The following MARCHF7 variants were observed in gnomAD, a reference collection of about 807,000 sequenced individuals.
The protein encoded by MARCHF7 is membrane associated ring-CH-type finger 7.
MARCHF7 carries 20 observed loss-of-function variants against 76.5 expected under a neutral mutation model. The observed-to-expected ratio is 0.26, with a 90% CI of 0.18 to 0.38. The LOEUF (loss-of-function observed/expected upper bound fraction) is 0.38. MARCHF7 is among the 10% of genes least tolerant of loss of function. The pLI is 1.00. For synonymous variants in MARCHF7, 295 were observed against 293.0 expected (o/e 1.01, Z -0.07); for missense variants, 797 against 812.9 (o/e 0.98, Z 0.24).
chr2:159,735,596 TTAG>T (rs1350262860), intron 4 of MARCHF7, among the ~76,000 whole-genome samples: 4 of 152,322 alleles, frequency 2.6e-5, no homozygotes, highest in Admixed American at 2.6e-4. Context: ...TAGTCTTTTG[TTAG>T]TAGCTTCTTT....
intron 4 of MARCHF7, among the ~76,000 whole-genome samples, chr2:159,737,535 G>T (rs557998317): frequency 6.6e-6 from 1 of 152,320 alleles, no homozygotes; most frequent in East Asian, 1.9e-4. Context: ...TGTAATCCCA[G>T]GCCTGAGTTG....
intron 11 of MARCHF7, among the ~76,000 whole-genome samples, chr2:159,765,360 A>G (rs555544836): frequency 5.9e-5 from 9 of 152,210 alleles, no homozygotes; most frequent in African/African-American, 2.2e-4. Flanking sequence ...ACAGGCATCT[A>G]TACAGCCTAC....
At chr2:159,743,680 G>A (rs1192526794) in intron 5 of MARCHF7, among the ~76,000 whole-genome samples, 3 of 151,758 alleles carry the variant, frequency 2.0e-5, no homozygotes, top group Non-Finnish European at 4.4e-5. Context: ...CAGGATGATC[G>A]CTTGAGGCCA....
Position 159,743,971 on chromosome 2 carries a change from G to GT in MARCHF7, c.346+720dup, listed in dbSNP as rs1412931838. On this transcript the variant is annotated intron_variant, in intron 5 of 11. Transcript: ENST00000409175. Reference sequence around the variant, plus strand: ...AAAAATGGTGGTTATTTTAGTAGGAGTTCTTTTTTTTTTTTTTTTTTTTTT... The same window carrying GT: ...AAAAATGGTGGTTATTTTAGTAGGAGTTTCTTTTTTTTTTTTTTTTTTTTTT... Among the ~76,000 whole-genome samples the GT allele has an allele frequency of 2.5e-4, 27 of 108,442 alleles. 1 individual carries two copies. The highest frequency in any genetic ancestry group is 4.4e-4 in the Non-Finnish European group (23 of 52,062). The allele number at this position is 108,442 out of a possible 152,430, so 71.1% of individuals were successfully genotyped here.
intron 3 of MARCHF7, among the ~76,000 whole-genome samples, chr2:159,719,220 A>G (rs998638842): frequency 4.6e-5 from 7 of 151,936 alleles, no homozygotes; most frequent in Non-Finnish European, 7.4e-5. Flanking sequence ...TTTTAAAAAT[A>G]TTTTTTGTAG....
At chr2:159,720,324 A>G (rs886189375) in intron 3 of MARCHF7, among the ~76,000 whole-genome samples, 2 of 152,196 alleles carry the variant, frequency 1.3e-5, no homozygotes, top group East Asian at 1.9e-4. Context: ...GCACCCAGCC[A>G]TGGAGGATTT....
At chr2:159,757,717 T>C (rs1366306927) in intron 8 of MARCHF7, among the ~76,000 whole-genome samples, 1 of 152,206 alleles carries the variant, frequency 6.6e-6, no homozygotes, top group Non-Finnish European at 1.5e-5. Flanking sequence ...AATAAGTCTC[T>C]TACTCCATAG....
chr2:159,758,673 A>G (rs182846768), intron 8 of MARCHF7, among the ~76,000 whole-genome samples: 1 of 152,356 alleles, frequency 6.6e-6, no homozygotes, highest in East Asian at 1.9e-4. Context: ...ATAAAGACTA[A>G]TTCCTTTTAT....
intron 3 of MARCHF7, among the ~76,000 whole-genome samples, chr2:159,727,167 G>C (rs548646517): frequency 6.6e-6 from 1 of 152,336 alleles, no homozygotes; most frequent in South Asian, 2.1e-4. Flanking sequence ...GTACAATATA[G>C]ATGAACTTTG....
rs201212156 is a variant in MARCHF7, at chr2:159,767,364, G to T, written c.*22G>T. On this transcript the variant is annotated 3_prime_UTR_variant, in exon 12 of 12. Coordinates refer to ENST00000409175, the MANE Select transcript of MARCHF7 (RefSeq NM_001282805.2). Reference sequence around the variant, plus strand: ...CTAACTTCATATAAGACAGATGGATGATCTGTGAACATAAGTGTTTATTAA... The same window carrying T: ...CTAACTTCATATAAGACAGATGGATTATCTGTGAACATAAGTGTTTATTAA... 6 of 1,554,964 alleles carry T rather than the reference G, an allele frequency of 3.9e-6. No homozygotes were observed. Among genetic ancestry groups the T allele is most frequent in the Non-Finnish European group, 4.4e-6 (5 of 1,128,252 alleles).
chr2:159,764,261 C>T (rs1296801465), intron 10 of MARCHF7, among the ~76,000 whole-genome samples: 2 of 136,204 alleles, frequency 1.5e-5, no homozygotes, highest in South Asian at 2.4e-4. Context: ...TGTGTGCGCG[C>T]GCCCACTGAA....
At position 159,768,072 on chromosome 2, in the gene MARCHF7, C is replaced by T. The variant is rs1427703135; in HGVS notation, c.*730C>T. The T allele has an allele frequency of 6.6e-6, 1 of 152,440 alleles. No individual in the cohort carries two copies. Among genetic ancestry groups the T allele is most frequent in the Non-Finnish European group, 1.5e-5 (1 of 67,964 alleles). The allele number at this position is 152,440 out of a possible 1,614,324, so 9.4% of individuals were successfully genotyped here. On this transcript the variant is annotated 3_prime_UTR_variant, in exon 12 of 12. Transcript: ENST00000409175. ...TATTACAGCTGTAAATTATATGAGA[C>T]TTGCCAGTCAAATGCTATTTGGTTT...
intron 10 of MARCHF7, among the ~76,000 whole-genome samples, chr2:159,764,245 T>TGTGTGC (rs1422069018): frequency 2.7e-5 from 4 of 148,272 alleles, no homozygotes; most frequent in South Asian, 2.1e-4. Context: ...TGTGTGTGTG[T>TGTGTGC]GTGTGTGTGT....
intron 5 of MARCHF7, among the ~76,000 whole-genome samples, chr2:159,743,560 A>G (rs185012848): frequency 2.0e-3 from 310 of 152,322 alleles, no homozygotes; most frequent in Middle Eastern, 3.4e-3. Flanking sequence ...AATTGTTACA[A>G]GGAAAGCTAA....
chr2:159,717,996 T>A (rs555913509), intron 3 of MARCHF7, among the ~76,000 whole-genome samples: 17 of 152,322 alleles, frequency 1.1e-4, no homozygotes, highest in Admixed American at 5.2e-4. Flanking sequence ...CCAACAAAAT[T>A]TCTACTGAGC....
Position 159,747,900 on chromosome 2 carries a change from C to G in MARCHF7, c.610C>G (p.Gln204Glu), listed in dbSNP as rs1705099125. ...GTTGAATACATCATCCACAAACCAC[C>G]AATTGCCTTCTGAACATCAGACCAT... ...LQLNTSSTNH[Q>E]LPSEHQTILS... Residue 204 changes from glutamine (Q) to glutamate (E), a missense_variant, in exon 7 of 12, where the codon CAA (glutamine) becomes GAA (glutamate). By Grantham distance (29) the Gln-to-Glu change is conservative (BLOSUM62 2). Coordinates refer to ENST00000409175, the MANE Select transcript of MARCHF7 (RefSeq NM_001282805.2). 1 of 1,613,958 alleles carries G rather than the reference C, an allele frequency of 6.2e-7. No homozygotes were observed. The highest frequency in any genetic ancestry group is 8.5e-7 in the Non-Finnish European group (1 of 1,179,998).
At chr2:159,761,821 G>T (rs1017049111) in intron 9 of MARCHF7, among the ~76,000 whole-genome samples, 1 of 152,096 alleles carries the variant, frequency 6.6e-6, no homozygotes, top group African/African-American at 2.4e-5. Context: ...AATTCAGTTT[G>T]TAAATAGTTC....
intron 4 of MARCHF7, among the ~76,000 whole-genome samples, chr2:159,731,473 G>A (rs1702778988): frequency 6.6e-6 from 1 of 152,102 alleles, no homozygotes; most frequent in Admixed American, 6.6e-5. Flanking sequence ...GTTCATTTCT[G>A]GCCTGGCATG....
chr2:159,758,823 T>TG (rs1706650609), intron 8 of MARCHF7, among the ~76,000 whole-genome samples: 1 of 152,180 alleles, frequency 6.6e-6, no homozygotes, highest in Non-Finnish European at 1.5e-5. Flanking sequence ...GATACTGGCT[T>TG]GGGTGTGTAA....
Sources: allele counts gnomAD v4.1 joint callset (sites outside exome capture counted in the v4.1 genomes callset), GRCh38; gene constraint gnomAD v4.1.1; transcripts MANE v1.5; gene names NCBI Gene and HGNC (gene_info 2026-07-23, HGNC 2026-07-21).